ERCC6L: variants seen among roughly 807,000 people sequenced by gnomAD.
The protein encoded by ERCC6L is DNA excision repair protein ERCC-6-like.
ERCC6L carries 7 observed loss-of-function variants against 20.1 expected under a neutral mutation model. The observed-to-expected ratio is 0.35, with a 90% CI of 0.20 to 0.65. The LOEUF is 0.65. ERCC6L is among the 30% of genes least tolerant of loss of function. The probability of loss-of-function intolerance (pLI) is 0.69; values close to 1 mark genes in which losing one functional copy is unlikely to be tolerated. For missense variants in ERCC6L, 592 were observed against 892.4 expected (o/e 0.66, Z 4.29); for synonymous variants, 278 against 331.3 (o/e 0.84, Z 1.75).
chrX:72,208,717 G>C lies in ERCC6L; in HGVS notation c.69-19C>G. The C allele has an allele frequency of 8.9e-7, 1 of 1,127,609 alleles. No individual in the cohort carries two copies. Among genetic ancestry groups the C allele is most frequent in the Non-Finnish European group, 1.2e-6 (1 of 841,973 alleles). 92.9% of individuals were successfully genotyped at this position (1,127,609 alleles called of 1,213,427 possible). On this transcript the variant is annotated intron_variant, in intron 1 of 1. Coordinates refer to ENST00000334463, the MANE Select transcript of ERCC6L (RefSeq NM_017669.4). ...CACATATCTATAGAAAAAAAAAGAA[G>C]AAGAGGAGAAAGGAAACATTGAACA...
rs751204906 is a variant in ERCC6L, at chrX:72,206,345, C to T, written c.2422G>A (p.Ala808Thr). Residue 808 changes from alanine (A) to threonine (T), a missense_variant, in exon 2 of 2, where the codon GCT (alanine) becomes ACT (threonine). Coordinates refer to ENST00000334463, the MANE Select transcript of ERCC6L (RefSeq NM_017669.4). ...TTTGGTAAAGTAGCTATAGAGTCAGCACTACCTGTACCTTTACCATCTTGC... is the reference window on the plus strand; with the variant it reads ...TTTGGTAAAGTAGCTATAGAGTCAGTACTACCTGTACCTTTACCATCTTGC... Reference protein sequence around the residue: ...TLQDGKGTGSADSIATLPKGF... With the variant: ...TLQDGKGTGSTDSIATLPKGF... 8.3e-7 allele frequency: 1 copy of T among 1,210,227 alleles called. No individual in the cohort carries two copies. The highest frequency in any genetic ancestry group is 1.1e-6 in the Non-Finnish European group (1 of 894,526).
intron 1 of ERCC6L, among the ~76,000 whole-genome samples, chrX:72,210,008 A>C (rs1157097266): frequency 2.7e-5 from 3 of 109,155 alleles, no homozygotes; most frequent in Non-Finnish European, 5.7e-5. Context: ...AAAAATCTTC[A>C]TGACTTGGAT....
Position 72,235,790 on chromosome X carries a change from C to A in ERCC6L, c.68+3054G>T, listed in dbSNP as rs756264333. Among the ~76,000 whole-genome samples, 11 of 111,920 alleles carry A rather than the reference C, an allele frequency of 9.8e-5. No individual in the cohort carries two copies. The East Asian group carries it at 3.1e-3, about 31-fold the overall frequency. On this transcript the variant is annotated intron_variant, in intron 1 of 1. Transcript: ENST00000334463. ...CAGCTGGTTAGTGACCTTAATTCCT[C>A]TCTACCATATGAGGGTAACATATTC...
rs755042517 is a variant in ERCC6L at position 72,206,439 on chromosome X, G to A, written c.2328C>T (p.Val776=). The A allele has an allele frequency of 1.4e-5, 17 of 1,210,508 alleles. No homozygotes were observed. The highest frequency in any genetic ancestry group is 1.9e-5 in the Non-Finnish European group (17 of 895,006). The part of the protein sequence containing the change: ...EDISSKMASV[V]IDDLPKEGEK... ...CACCCTCTTTGGGCAGATCATCAAT[G>A]ACTACACTTGCCATTTTGGAACTGA... Residue 776 remains valine, a synonymous_variant, in exon 2 of 2, where the codon GTC becomes GTT. Coordinates refer to ENST00000334463, the MANE Select transcript of ERCC6L (RefSeq NM_017669.4).
At chrX:72,214,999 CAAACAAAA>C (rs898952974) in intron 1 of ERCC6L, among the ~76,000 whole-genome samples, 17 of 111,494 alleles carry the variant, frequency 1.5e-4, no homozygotes, top group African/African-American at 5.5e-4. Context: ...AACAAACAAA[CAAACAAAA>C]AAACCCACCA....
intron 1 of ERCC6L, among the ~76,000 whole-genome samples, chrX:72,212,275 A>AAAT (rs1180426985): frequency 3.7e-5 from 4 of 109,553 alleles, no homozygotes; most frequent in Non-Finnish European, 7.6e-5. Flanking sequence ...ATCTCAAAAA[A>AAAT]AATAATAATA....
At chrX:72,221,485 C>T (rs758407609) in intron 1 of ERCC6L, among the ~76,000 whole-genome samples, 39 of 111,108 alleles carry the variant, frequency 3.5e-4, no homozygotes, top group African/African-American at 1.2e-3. Flanking sequence ...CAGACACCCT[C>T]GGCTTCTTCT....
chrX:72,233,718 T>A lies in ERCC6L; in HGVS notation c.68+5126A>T, dbSNP rs2042999173. Among the ~76,000 whole-genome samples the A allele has an allele frequency of 7.5e-5, 5 of 66,567 alleles. No individual in the cohort carries two copies. The South Asian group carries it at 4.5e-3, about 60-fold the overall frequency. The allele number at this position is 66,567 out of a possible 115,157, so 57.8% of individuals were successfully genotyped here. On this transcript the variant is annotated intron_variant, in intron 1 of 1. Transcript: ENST00000334463. ...GCCCGGATGACACTGCAAGACTCCG[T>A]CTCAAAAAAAAAAAATTTGAATATG...
chrX:72,222,443 A>G (rs992478791), intron 1 of ERCC6L, among the ~76,000 whole-genome samples: 5 of 111,629 alleles, frequency 4.5e-5, no homozygotes, highest in Non-Finnish European at 7.5e-5. Context: ...CCATAGAGAC[A>G]CAGACTGGAC....
At position 72,206,069 on chromosome X, in the gene ERCC6L, A is replaced by T; in HGVS notation, c.2698T>A (p.Ser900Thr). Residue 900 changes from serine (S) to threonine (T), a missense_variant, in exon 2 of 2, where the codon TCC (serine) becomes ACC (threonine). Transcript: ENST00000334463. ...LRHCNPWPII[S>T]ITNESQNAES... ...GCATTTTGACTTTCATTTGTTATGGAAATAATGGGCCAAGGATTGCAATGA... is the reference window on the plus strand; with the variant it reads ...GCATTTTGACTTTCATTTGTTATGGTAATAATGGGCCAAGGATTGCAATGA... 2 of 1,211,027 alleles carry T rather than the reference A, an allele frequency of 1.7e-6. No homozygotes were observed. The highest frequency in any genetic ancestry group is 2.2e-6 in the Non-Finnish European group (2 of 895,086).
chrX:72,223,616 T>G (rs1015101740), intron 1 of ERCC6L, among the ~76,000 whole-genome samples: 3 of 110,866 alleles, frequency 2.7e-5, no homozygotes, highest in Admixed American at 9.6e-5. Context: ...CTCAAACTCC[T>G]GACCTCAGGT....
chrX:72,205,503 G>C lies in ERCC6L; in HGVS notation c.3264C>G (p.Asn1088Lys), dbSNP rs969727890. 3 of 1,211,344 alleles carry C rather than the reference G, an allele frequency of 2.5e-6. No homozygotes were observed. In the Admixed American group the frequency reaches 6.5e-5, roughly 26 times the overall value. The change falls in exon 2 of 2, where the codon AAC (asparagine) becomes AAG (lysine). Residue 1088 changes from asparagine to lysine, a missense_variant. Transcript: ENST00000334463. ...TCCTAGAAGCCAGAGATCTTCTAGA[G>C]TTCATAGACTTATTTACACTACTGG... ...QIPSSVNKSMNSRRSLASRRS... is the reference protein window; with the variant it reads ...QIPSSVNKSMKSRRSLASRRS...
chrX:72,208,479 G>C lies in ERCC6L; in HGVS notation c.288C>G (p.Leu96=). ...LLLYRELHNQ[L]FEHQKEGIAF... is the part of the protein sequence containing the mutation. ...CTATGCCTTCCTTCTGGTGCTCAAAGAGTTGGTTGTGCAGTTCTCGATAAA... is the reference window on the plus strand; with the variant it reads ...CTATGCCTTCCTTCTGGTGCTCAAACAGTTGGTTGTGCAGTTCTCGATAAA... Residue 96 remains leucine, a synonymous_variant, in exon 2 of 2, where the codon CTC becomes CTG. Transcript: ENST00000334463. 2 of 1,211,653 alleles carry C rather than the reference G, an allele frequency of 1.7e-6. No homozygotes were observed. The highest frequency in any genetic ancestry group is 2.2e-6 in the Non-Finnish European group (2 of 895,346).
rs773109937 is a variant in ERCC6L, at chrX:72,207,999, T to C, written c.768A>G (p.Thr256=). 1 of 1,211,372 alleles carries C rather than the reference T, an allele frequency of 8.3e-7. No homozygotes were observed. ...GTAAATTATTCTGGATTGGGGTTCC[T>C]GTGAGGAGGAGGCGATTACTTGCAG... ...AIPASNRLLL[T]GTPIQNNLQE... Residue 256 remains threonine (T), a synonymous_variant, in exon 2 of 2, where the codon ACA becomes ACG. Coordinates refer to ENST00000334463, the MANE Select transcript of ERCC6L (RefSeq NM_017669.4).
chrX:72,209,563 G>A (rs1427627644), intron 1 of ERCC6L, among the ~76,000 whole-genome samples: 1 of 111,484 alleles, frequency 9.0e-6, no homozygotes, highest in Non-Finnish European at 1.9e-5. Flanking sequence ...CCCCAGGCCA[G>A]GCAGTCCCAA....
In ERCC6L at chrX:72,204,941, A is replaced by G. The variant is rs766250394; in HGVS notation, c.*73T>C. The G allele has an allele frequency of 1.5e-4, 143 of 965,609 alleles. 2 individuals are homozygous for G. Among genetic ancestry groups the G allele is most frequent in the Non-Finnish European group, 2.5e-5 (18 of 717,925 alleles). The allele number at this position is 965,609 out of a possible 1,213,427, so 79.6% of individuals were successfully genotyped here. A position where few individuals can be genotyped will look rare whatever the true frequency, so the allele number is the denominator to read the frequency against. ...AAGCCTGAATGCTTCATGTTCCCAA[A>G]GAATCCAATTATGGGAACAAAAATT... On this transcript the variant is annotated 3_prime_UTR_variant, in exon 2 of 2. Transcript: ENST00000334463.
intron 1 of ERCC6L, among the ~76,000 whole-genome samples, chrX:72,227,232 C>T (rs2042958679): frequency 8.9e-6 from 1 of 112,017 alleles, no homozygotes; most frequent in African/African-American, 3.2e-5. Flanking sequence ...TACCCAGGTT[C>T]AGGGTGCCTC....
At position 72,206,329 on chromosome X, in the gene ERCC6L, G is replaced by A. The variant is rs763850827; in HGVS notation, c.2438C>T (p.Thr813Ile). ...TACACTTCCAAACCCCTTTGGTAAA[G>A]TAGCTATAGAGTCAGCACTACCTGT... ...KGTGSADSIATLPKGFGSVEE... is the reference protein window; with the variant it reads ...KGTGSADSIAILPKGFGSVEE... The change falls in exon 2 of 2, where the codon ACT (threonine) becomes ATT (isoleucine). Residue 813 changes from threonine to isoleucine, a missense_variant. By Grantham distance (89) the Thr-to-Ile change is moderately conservative. Coordinates refer to ENST00000334463, the MANE Select transcript of ERCC6L (RefSeq NM_017669.4). 3 of 1,209,867 alleles carry A rather than the reference G, an allele frequency of 2.5e-6. No individual in the cohort carries two copies. Among genetic ancestry groups the A allele is most frequent in the Admixed American group, 2.2e-5 (1 of 45,847 alleles).
chrX:72,207,728 C>A lies in ERCC6L; in HGVS notation c.1039G>T (p.Glu347Ter). ...ATGGCATCAACATCTGGATTCTTTTCATTAAGTCTGGCCTCTGGGTTGCTT... is the reference window on the plus strand; with the variant it reads ...ATGGCATCAACATCTGGATTCTTTTAATTAAGTCTGGCCTCTGGGTTGCTT... The part of the protein sequence containing the change: ...KSSNPEARLN[E>*]KNPDVDAICE... Residue 347 changes from glutamate to a stop codon, truncating the protein, a stop_gained, in exon 2 of 2, where the codon GAA (glutamate) becomes TAA (stop). Coordinates refer to ENST00000334463, the MANE Select transcript of ERCC6L (RefSeq NM_017669.4). LOFTEE classifies it high-confidence loss of function. 8.3e-7 allele frequency: 1 copy of A among 1,211,683 alleles called. No homozygotes were observed. The highest frequency in any genetic ancestry group is 1.1e-6 in the Non-Finnish European group (1 of 895,486).
Sources: gnomAD v4.1 joint callset for allele counts (sites outside exome capture counted in the v4.1 genomes callset) on GRCh38, gnomAD v4.1.1 for gene constraint, MANE v1.5 for transcripts, NCBI Gene and HGNC (gene_info 2026-07-23, HGNC 2026-07-21) for gene names.